The following AGBL4 variants were observed in gnomAD, a reference collection of about 807,000 sequenced individuals.
The protein encoded by AGBL4 is cytosolic carboxypeptidase 6.
AGBL4 carries 58 observed loss-of-function variants against 66.4 expected under a neutral mutation model. The ratio of observed to expected loss-of-function variants is 0.87; its 90% CI spans 0.71 to 1.09. AGBL4 has a LOEUF of 1.09. Ranked by LOEUF, AGBL4 falls within the 50% of genes least tolerant of loss-of-function variation. The pLI, the probability that AGBL4 is intolerant of heterozygous loss-of-function variation, is 0.00. For missense variants in AGBL4, 579 were observed against 631.0 expected (o/e 0.92, Z 0.88); for synonymous variants, 234 against 222.9 (o/e 1.05, Z -0.44).
intron 3 of AGBL4, among the ~76,000 whole-genome samples, chr1:49,495,177 T>A (rs973475920): frequency 2.6e-5 from 4 of 152,056 alleles, no homozygotes; most frequent in African/African-American, 9.7e-5. Context: ...TTGGTGCACA[T>A]GGTACCTGGA....
At chr1:49,521,196 T>C (rs1167315) in intron 3 of AGBL4, among the ~76,000 whole-genome samples, 11,522 of 152,056 alleles carry the variant, frequency 0.076, 1,390 homozygotes, top group African/African-American at 0.25. Context: ...CCCAAAGCAA[T>C]CTACAGATTC....
chr1:49,888,658 C>T (rs1287465670), intron 1 of AGBL4, among the ~76,000 whole-genome samples: 1 of 152,042 alleles, frequency 6.6e-6, no homozygotes, highest in Non-Finnish European at 1.5e-5. Context: ...TGGATAACAG[C>T]CACCAATGGG....
intron 4 of AGBL4, among the ~76,000 whole-genome samples, chr1:49,170,290 T>G (rs1646712814): frequency 6.9e-6 from 1 of 145,108 alleles, no homozygotes; most frequent in African/African-American, 2.5e-5. Flanking sequence ...TATTATAAAT[T>G]TATATTCATA....
At chr1:49,487,695 T>C (rs2356615) in intron 3 of AGBL4, among the ~76,000 whole-genome samples, 64,607 of 151,752 alleles carry the variant, frequency 0.43, 16,420 homozygotes, top group Non-Finnish European at 0.57. Flanking sequence ...TTACCCAGTG[T>C]TGAGTATTTC....
At chr1:49,456,238 T>A (rs1341692326) in intron 3 of AGBL4, among the ~76,000 whole-genome samples, 1 of 151,744 alleles carries the variant, frequency 6.6e-6, no homozygotes, top group Non-Finnish European at 1.5e-5. Flanking sequence ...TCCCTTCATC[T>A]TGGAGAGGAA....
chr1:48,805,755 G>T (rs1022494151), intron 6 of AGBL4, among the ~76,000 whole-genome samples: 1 of 152,094 alleles, frequency 6.6e-6, no homozygotes, highest in Non-Finnish European at 1.5e-5. Flanking sequence ...TGGTAGCATT[G>T]GTCCTTGGTC....
chr1:48,883,371 T>C (rs562624849), intron 5 of AGBL4, among the ~76,000 whole-genome samples: 1 of 152,340 alleles, frequency 6.6e-6, no homozygotes, highest in Admixed American at 6.5e-5. Context: ...TTGATCCCTT[T>C]GCCTGCTACA....
intron 2 of AGBL4, among the ~76,000 whole-genome samples, chr1:49,760,038 A>T (rs1652185950): frequency 6.6e-6 from 1 of 152,212 alleles, no homozygotes; most frequent in Non-Finnish European, 1.5e-5. Flanking sequence ...GATAGAGATG[A>T]TGGTAATATA....
At chr1:48,935,958 GAAAAAAAAAAAAAAA>G (rs71056686) in intron 5 of AGBL4, among the ~76,000 whole-genome samples, 2,213 of 24,586 alleles carry the variant, frequency 0.09, 141 homozygotes, top group African/African-American at 0.23. Context: ...GACTCTGTCT[GAAAAAAAAAAAAAAA>G]AAAAAAAAAA....
intron 1 of AGBL4, among the ~76,000 whole-genome samples, chr1:49,976,348 C>T (rs2148373986): frequency 2.6e-5 from 4 of 152,030 alleles, no homozygotes; most frequent in Admixed American, 2.6e-4. Flanking sequence ...TAATGGCTTC[C>T]CTGTACCCAT....
rs142994718 is a variant in AGBL4 at position 49,059,611 on chromosome 1, T to C, written c.378-13811A>G. ...CCAGAATGGTACATCCACTGACAGC[T>C]TGCACCATGCACCTGGAAAAGTCAC... is the stretch of plus-strand genomic sequence containing the variant. On this transcript the variant is annotated intron_variant, in intron 4 of 13. Transcript: ENST00000371839. 7.4e-3 allele frequency among the ~76,000 whole-genome samples: 1,123 copies of C among 152,244 alleles called. 8 individuals are homozygous for C. Among genetic ancestry groups the C allele is most frequent in the African/African-American group, 0.025 (1,047 of 41,552 alleles).
intron 3 of AGBL4, among the ~76,000 whole-genome samples, chr1:49,447,957 T>C (rs1442030169): frequency 6.6e-6 from 1 of 152,114 alleles, no homozygotes; most frequent in East Asian, 1.9e-4. Flanking sequence ...TGATCTAGGA[T>C]ACTCTACTTA....
At chr1:48,912,953 G>T (rs1288653535) in intron 5 of AGBL4, among the ~76,000 whole-genome samples, 4 of 152,216 alleles carry the variant, frequency 2.6e-5, no homozygotes, top group South Asian at 2.1e-4. Flanking sequence ...AATTCTGAGG[G>T]TCAAGTAGGA....
At chr1:49,468,677 T>C (rs1336441918) in intron 3 of AGBL4, among the ~76,000 whole-genome samples, 2 of 151,856 alleles carry the variant, frequency 1.3e-5, no homozygotes, top group African/African-American at 2.4e-5. Flanking sequence ...CAATTCACTA[T>C]GCTATGTATT....
intron 1 of AGBL4, among the ~76,000 whole-genome samples, chr1:49,866,530 A>G (rs1646705251): frequency 6.6e-6 from 1 of 152,168 alleles, no homozygotes; most frequent in Non-Finnish European, 1.5e-5. Flanking sequence ...TTGGGAGGCC[A>G]AGGTGGGCAG....
intron 3 of AGBL4, among the ~76,000 whole-genome samples, chr1:49,458,908 A>C (rs1164167706): frequency 2.0e-5 from 3 of 151,730 alleles, no homozygotes; most frequent in Non-Finnish European, 4.4e-5. Context: ...CTGGTATGAA[A>C]GCCACTTGAT....
At chr1:49,299,468 C>G (rs1318746704) in intron 3 of AGBL4, among the ~76,000 whole-genome samples, 1 of 152,112 alleles carries the variant, frequency 6.6e-6, no homozygotes, top group Non-Finnish European at 1.5e-5. Context: ...CTCAATGGCT[C>G]AAATAAGATA....
chr1:49,813,406 A>T (rs1021917159), intron 2 of AGBL4, among the ~76,000 whole-genome samples: 1 of 152,120 alleles, frequency 6.6e-6, no homozygotes, highest in Non-Finnish European at 1.5e-5. Context: ...CTCTGCAAAG[A>T]CGTATTAATT....
chr1:49,099,638 C>T (rs1645165494), intron 4 of AGBL4, among the ~76,000 whole-genome samples: 1 of 152,096 alleles, frequency 6.6e-6, no homozygotes, highest in African/African-American at 2.4e-5. Context: ...CTTTTTTGTA[C>T]TTATCAGTCC....
Sources: gnomAD v4.1 joint callset for allele counts (sites outside exome capture counted in the v4.1 genomes callset) on GRCh38, gnomAD v4.1.1 for gene constraint, MANE v1.5 for transcripts, NCBI Gene and HGNC (gene_info 2026-07-23, HGNC 2026-07-21) for gene names.